Variants in PDZRN3 observed in about 807,000 individuals in gnomAD.
PDZRN3 encodes the protein PDZ domain containing ring finger 3, also known as E3 ubiquitin-protein ligase PDZRN3.
In PDZRN3, 38 loss-of-function variants were observed where a neutral mutation model predicts 85.7. The ratio of observed to expected loss-of-function variants is 0.44; its 90% CI spans 0.34 to 0.58. PDZRN3 has a LOEUF of 0.58. PDZRN3 is among the 20% of genes least tolerant of loss of function. The pLI, the probability that PDZRN3 is intolerant of heterozygous loss-of-function variation, is 0.01. For missense variants in PDZRN3, 1,629 were observed against 1,506.4 expected, an observed-to-expected ratio of 1.08 and a Z score of -1.35; for synonymous variants, 759 against 638.0, an observed-to-expected ratio of 1.19 and a Z score of -2.86.
chr3:73,427,442 ACC>A lies in PDZRN3; in HGVS notation c.919-23049_919-23048del, dbSNP rs1211531129. On this transcript the variant is annotated intron_variant, in intron 3 of 9. Coordinates refer to ENST00000263666, the MANE Select transcript of PDZRN3 (RefSeq NM_015009.3). ...TCTTTTGTGCATTACCCACCCCCCC[ACC>A]ACCGCCCACATTTAACCATGACCTC... is the stretch of plus-strand genomic sequence containing the variant. 7.8e-4 allele frequency among the ~76,000 whole-genome samples: 113 copies of A among 144,186 alleles called. 1 individual carries two copies. The highest frequency in any genetic ancestry group is 3.4e-3 in the Middle Eastern group (1 of 292). The allele number at this position is 144,186 out of a possible 152,430, so 94.6% of individuals were successfully genotyped here. A position where few individuals can be genotyped will look rare whatever the true frequency, so the allele number is the denominator to read the frequency against.
At chr3:73,409,764 G>A (rs1701928710) in intron 3 of PDZRN3, among the ~76,000 whole-genome samples, 1 of 152,144 alleles carries the variant, frequency 6.6e-6, no homozygotes, top group Admixed American at 6.5e-5. Flanking sequence ...CAGAGTCCCA[G>A]AGAGCCTTCA....
Position 73,447,592 on chromosome 3 carries a change from T to A in PDZRN3, c.919-43197A>T, listed in dbSNP as rs377457178. On this transcript the variant is annotated intron_variant, in intron 3 of 9. Coordinates refer to ENST00000263666, the MANE Select transcript of PDZRN3 (RefSeq NM_015009.3). ...TGTCCCATCTGGGGTCATAATGACC[T>A]CCCAATTGCCGCAACCAAGAGCTTG... 1.1e-4 allele frequency among the ~76,000 whole-genome samples: 17 copies of A among 152,318 alleles called. No individual in the cohort carries two copies. The South Asian group carries it at 1.5e-3, about 13-fold the overall frequency.
At chr3:73,443,379 A>G (rs556798286) in intron 3 of PDZRN3, among the ~76,000 whole-genome samples, 2 of 151,760 alleles carry the variant, frequency 1.3e-5, no homozygotes, top group Admixed American at 1.3e-4. Flanking sequence ...GAGTCTTCCC[A>G]CTTCCATATT....
rs201279261 is a variant in PDZRN3 at position 73,383,776 on chromosome 3, C to G, written c.2790G>C (p.Thr930=). The G allele has an allele frequency of 2.5e-6, 4 of 1,613,116 alleles. No individual in the cohort carries two copies. The African/African-American group carries it at 5.3e-5, about 22-fold the overall frequency. ...EWKVKIRSDG[T]RYITKRPVRD... ...GCACGGGCCTCTTGGTGATGTAGCG[C>G]GTCCCGTCGCTGCGGATCTTCACCT... Residue 930 remains threonine, a synonymous_variant, in exon 10 of 10, where the codon ACG becomes ACC. Coordinates refer to ENST00000263666, the MANE Select transcript of PDZRN3 (RefSeq NM_015009.3).
At chr3:73,391,255 T>A in intron 5 of PDZRN3, 139 bp from the exon 6 acceptor site, 1 of 591,580 alleles carries the variant, frequency 1.7e-6, no homozygotes, top group African/African-American at 1.8e-5. Flanking sequence ...GTTAACTTAC[T>A]AAACAAAAAG....
At chr3:73,429,897 C>A (rs557859763) in intron 3 of PDZRN3, among the ~76,000 whole-genome samples, 1 of 152,182 alleles carries the variant, frequency 6.6e-6, no homozygotes, top group South Asian at 2.1e-4. Flanking sequence ...GGACCAGCAA[C>A]CCCGTAGGAA....
At chr3:73,422,936 A>C (rs1702233264) in intron 3 of PDZRN3, among the ~76,000 whole-genome samples, 2 of 152,226 alleles carry the variant, frequency 1.3e-5, no homozygotes, top group African/African-American at 4.8e-5. Flanking sequence ...CAAGCAAAGG[A>C]AACAGAGGTA....
At chr3:73,444,389 A>G (rs1702709109) in intron 3 of PDZRN3, among the ~76,000 whole-genome samples, 1 of 152,170 alleles carries the variant, frequency 6.6e-6, no homozygotes, top group Non-Finnish European at 1.5e-5. Context: ...AAGCAGGTGA[A>G]TGTTATGCTA....
intron 3 of PDZRN3, among the ~76,000 whole-genome samples, chr3:73,442,868 T>G (rs1490258539): frequency 6.6e-6 from 1 of 152,196 alleles, no homozygotes; most frequent in African/African-American, 2.4e-5. Context: ...CACTTTCAGC[T>G]GGAGTACACT....
At chr3:73,402,163 T>G (rs922939390) in intron 4 of PDZRN3, among the ~76,000 whole-genome samples, 1 of 152,234 alleles carries the variant, frequency 6.6e-6, no homozygotes, top group Non-Finnish European at 1.5e-5. Context: ...TCTTCTGACA[T>G]TTCTCAAGTC....
Position 73,601,586 on chromosome 3 carries a change from T to TA in PDZRN3, c.918+767dup, listed in dbSNP as rs564600278. 5.1e-4 allele frequency among the ~76,000 whole-genome samples: 77 copies of TA among 152,196 alleles called. 1 individual carries two copies. The South Asian group carries it at 0.015, about 30-fold the overall frequency. ...GCTATGAAAATGGTCAAAACACCAG[T>TA]AAAAAATTACTCATTTATATCAAAC... is the stretch of plus-strand genomic sequence containing the variant. On this transcript the variant is annotated intron_variant, in intron 3 of 9. Coordinates refer to ENST00000263666, the MANE Select transcript of PDZRN3 (RefSeq NM_015009.3).
intron 3 of PDZRN3, among the ~76,000 whole-genome samples, chr3:73,526,084 C>G (rs1704515787): frequency 6.6e-6 from 1 of 152,180 alleles, no homozygotes; most frequent in Non-Finnish European, 1.5e-5. Context: ...CTGAACCTCT[C>G]TGGGCGGTAG....
At chr3:73,398,360 G>A (rs1217406021) in intron 5 of PDZRN3, among the ~76,000 whole-genome samples, 1 of 152,208 alleles carries the variant, frequency 6.6e-6, no homozygotes, top group Admixed American at 6.5e-5. Context: ...AAGAGGAAAT[G>A]ATAGCTTGGG....
chr3:73,443,273 C>A (rs960686713), intron 3 of PDZRN3, among the ~76,000 whole-genome samples: 20 of 152,156 alleles, frequency 1.3e-4, no homozygotes, highest in African/African-American at 4.8e-4. Context: ...CACCCCAGGA[C>A]AACAGCTGCT....
chr3:73,468,920 C>A (rs1703277843), intron 3 of PDZRN3, among the ~76,000 whole-genome samples: 1 of 152,044 alleles, frequency 6.6e-6, no homozygotes, highest in Admixed American at 6.5e-5. Context: ...CTATGAGAAT[C>A]AAAGAAGAAG....
At chr3:73,394,278 G>A (rs1204415527) in intron 5 of PDZRN3, among the ~76,000 whole-genome samples, 2 of 152,180 alleles carry the variant, frequency 1.3e-5, no homozygotes, top group Non-Finnish European at 2.9e-5. Context: ...GGAGAGAAGA[G>A]GGTCCAATTA....
intron 3 of PDZRN3, among the ~76,000 whole-genome samples, chr3:73,584,558 T>A (rs1702251771): frequency 6.6e-6 from 1 of 151,572 alleles, no homozygotes; most frequent in Non-Finnish European, 1.5e-5. Context: ...GAGAAAATAT[T>A]AATTAAATTT....
Position 73,574,551 on chromosome 3 carries a change from C to G in PDZRN3, c.918+27803G>C, listed in dbSNP as rs182152545. ...TCAGCTCACTGCAACCTCCACCTCC[C>G]GTGTTCAAGCAATTCTCTTGCCTCA... On this transcript the variant is annotated intron_variant, in intron 3 of 9. Coordinates refer to ENST00000263666, the MANE Select transcript of PDZRN3 (RefSeq NM_015009.3). Among the ~76,000 whole-genome samples, 1,037 of 152,116 alleles carry G rather than the reference C, an allele frequency of 6.8e-3. 3 individuals carry two copies. Among genetic ancestry groups the G allele is most frequent in the Middle Eastern group, 0.014 (4 of 294 alleles).
At chr3:73,491,135 T>G (rs1356246664) in intron 3 of PDZRN3, among the ~76,000 whole-genome samples, 1 of 152,236 alleles carries the variant, frequency 6.6e-6, no homozygotes, top group Non-Finnish European at 1.5e-5. Context: ...CATAAGCCCT[T>G]GTACCACGCA....
Sources: allele counts gnomAD v4.1 joint callset (sites outside exome capture counted in the v4.1 genomes callset), GRCh38; gene constraint gnomAD v4.1.1; transcripts MANE v1.5; gene names NCBI Gene and HGNC (gene_info 2026-07-23, HGNC 2026-07-21).